ZNF850: variants seen among roughly 807,000 people sequenced by gnomAD.
ZNF850 encodes zinc finger protein 850.
In ZNF850, 2 loss-of-function variants were observed where a neutral mutation model predicts 11.9. The observed-to-expected ratio is 0.17, with a 90% CI of 0.07 to 0.53. The LOEUF (loss-of-function observed/expected upper bound fraction) is 0.53, where lower values mean the gene tolerates loss of function less well. Ranked by LOEUF, ZNF850 falls within the 20% of genes least tolerant of loss-of-function variation. ZNF850 has a pLI of 0.94. For missense variants in ZNF850, 1,014 were observed against 1,316.4 expected (o/e 0.77, Z 3.55); for synonymous variants, 381 against 443.0 (o/e 0.86, Z 1.76).
rs201756373 is a variant in ZNF850, at chr19:36,757,986, CA to C, written c.235+3656del. On this transcript the variant is annotated intron_variant, in intron 4 of 4. Transcript: ENST00000591344. ...ACAGGTGTTAGTCACTGTGCCTGGC[CA>C]AAAAGTGAATTTTTCATTTTAATTT... Among the ~76,000 whole-genome samples, 1,264 of 152,110 alleles carry C rather than the reference CA, an allele frequency of 8.3e-3. 20 individuals are homozygous for C. The highest frequency in any genetic ancestry group is 0.029 in the African/African-American group (1,195 of 41,488).
chr19:36,753,825 T>C (rs1170790885), intron 4 of ZNF850, among the ~76,000 whole-genome samples: 1 of 152,122 alleles, frequency 6.6e-6, no homozygotes, highest in Non-Finnish European at 1.5e-5. Flanking sequence ...AGGTATTAAA[T>C]AGCAGAGCTA....
intron 1 of ZNF850, among the ~76,000 whole-genome samples, chr19:36,766,904 A>G (rs1728760877): frequency 6.6e-6 from 1 of 152,022 alleles, no homozygotes; most frequent in Non-Finnish European, 1.5e-5. Context: ...GGAGTTCGAG[A>G]CTAGCCTGAC....
At chr19:36,765,763 T>C (rs1398047028) in intron 1 of ZNF850, among the ~76,000 whole-genome samples, 1 of 151,978 alleles carries the variant, frequency 6.6e-6, no homozygotes, top group Non-Finnish European at 1.5e-5. Flanking sequence ...TTGGTATTTT[T>C]AGTAGAGATG....
rs554285081 is a variant in ZNF850 at position 36,768,480 on chromosome 19, CAT to C, written c.-70+4243_-70+4244del. Among the ~76,000 whole-genome samples the C allele has an allele frequency of 1.4e-4, 21 of 152,274 alleles. 1 individual carries two copies. In the East Asian group the frequency reaches 4.1e-3, roughly 29 times the overall value. ...GAAAATGCAATTGCTCTCTTTCAAA[CAT>C]AGTTTTAATTAGTTGTACAAAATGC... On this transcript the variant is annotated intron_variant, in intron 1 of 4. Transcript: ENST00000591344.
rs1472530155 is a variant in ZNF850 at position 36,749,925 on chromosome 19, T to A, written c.1115A>T (p.Lys372Ile). ...EKPYDCKECGKSFTFHSALIR... is the reference protein window; with the variant it reads ...EKPYDCKECGISFTFHSALIR... ...TAGAGCTGAGTGAAAAGTAAAAGAT[T>A]TTCCACATTCCTTACAGTCATAGGG... is the stretch of plus-strand genomic sequence containing the variant. The change falls in exon 5 of 5, where the codon AAA becomes ATA. Residue 372 changes from lysine (K) to isoleucine (I), a missense_variant. Lys to Ile is a moderately radical substitution (Grantham distance 102). Coordinates refer to ENST00000591344, the MANE Select transcript of ZNF850 (RefSeq NM_001193552.2). The A allele has an allele frequency of 3.2e-6, 5 of 1,571,532 alleles. No homozygotes were observed. In the East Asian group the frequency reaches 9.4e-5, roughly 29 times the overall value.
At chr19:36,767,865 G>C (rs1370782442) in intron 1 of ZNF850, among the ~76,000 whole-genome samples, 3 of 152,168 alleles carry the variant, frequency 2.0e-5, no homozygotes, top group African/African-American at 7.2e-5. Flanking sequence ...AATAATGATG[G>C]AGCAAAGAAA....
At position 36,748,988 on chromosome 19, in the gene ZNF850, C is replaced by A; in HGVS notation, c.2052G>T (p.Gln684His). 6.2e-7 allele frequency: 1 copy of A among 1,604,530 alleles called. No homozygotes were observed. Among genetic ancestry groups the A allele is most frequent in the Non-Finnish European group, 8.5e-7 (1 of 1,176,470 alleles). The change falls in exon 5 of 5, where the codon CAG becomes CAT. Residue 684 changes from glutamine to histidine, a missense_variant. Coordinates refer to ENST00000591344, the MANE Select transcript of ZNF850 (RefSeq NM_001193552.2). ...ECPDCGKAFR[Q>H]RTYLNQHRRI... The stretch of plus-strand genomic sequence containing the variant: ...TCCGATGTTGATTAAGGTATGTACG[C>A]TGTCTAAAGGCCTTCCCACAGTCCG...
At chr19:36,753,422 C>CAAAAAAAAAAAA (rs58851544) in intron 4 of ZNF850, among the ~76,000 whole-genome samples, 5 of 46,650 alleles carry the variant, frequency 1.1e-4, no homozygotes, top group East Asian at 8.6e-4. Context: ...GACACTGTCT[C>CAAAAAAAAAAAA]AAAAAAAAAA....
intron 1 of ZNF850, 34 bp from the exon 2 acceptor site, chr19:36,762,709 TC>T: frequency 7.9e-7 from 1 of 1,261,414 alleles, no homozygotes; most frequent in Non-Finnish European, 1.1e-6. Flanking sequence ...ATATATTATT[TC>T]CCAAATAAAT....
In ZNF850 at chr19:36,750,041, A is replaced by T. The variant is rs1314400935; in HGVS notation, c.999T>A (p.Gly333=). ...ATTCCTTACAATCATACGGTTTCTC[A>T]CCAGTGTGAATTTGCTGGTGTCGAA... ...TLIRHQQIHT[G]EKPYDCKECG... Residue 333 remains glycine, a synonymous_variant, in exon 5 of 5, where the codon GGT becomes GGA. Transcript: ENST00000591344. The T allele has an allele frequency of 6.5e-7, 1 of 1,541,864 alleles. No individual in the cohort carries two copies.
intron 4 of ZNF850, among the ~76,000 whole-genome samples, chr19:36,754,624 C>T (rs760563428): frequency 6.6e-6 from 1 of 152,004 alleles, no homozygotes; most frequent in African/African-American, 2.4e-5. Context: ...GGCACGATCT[C>T]AGCTCACTGC....
Position 36,748,256 on chromosome 19 carries a change from A to G in ZNF850, c.2784T>C (p.His928=). 1 of 1,554,348 alleles carries G rather than the reference A, an allele frequency of 6.4e-7. No individual in the cohort carries two copies. The highest frequency in any genetic ancestry group is 8.7e-7 in the Non-Finnish European group (1 of 1,153,606). Reference sequence around the variant, plus strand: ...AACGGACAAAGGCTTTTCCACATTCATGACATCGATAAGGTTTCTCACCAG... The same window carrying G: ...AACGGACAAAGGCTTTTCCACATTCGTGACATCGATAAGGTTTCTCACCAG... ...IHTGEKPYRC[H]ECGKAFVRFS... Residue 928 remains histidine, a synonymous_variant, in exon 5 of 5, where the codon CAT becomes CAC. Coordinates refer to ENST00000591344, the MANE Select transcript of ZNF850 (RefSeq NM_001193552.2).
intron 4 of ZNF850, among the ~76,000 whole-genome samples, chr19:36,760,558 A>G (rs1168231534): frequency 6.6e-6 from 1 of 151,856 alleles, no homozygotes; most frequent in Non-Finnish European, 1.5e-5. Flanking sequence ...TTTTAAGTCA[A>G]TAAATTTTGA....
chr19:36,753,417 T>G (rs1246724211), intron 4 of ZNF850, among the ~76,000 whole-genome samples: 1 of 33,208 alleles, frequency 3.0e-5, no homozygotes, highest in African/African-American at 1.1e-4. Context: ...CCTGGGACAC[T>G]GTCTCAAAAA....
chr19:36,749,936 C>G lies in ZNF850; in HGVS notation c.1104G>C (p.Lys368Asn). The G allele has an allele frequency of 6.4e-7, 1 of 1,569,986 alleles. No individual in the cohort carries two copies. Among genetic ancestry groups the G allele is most frequent in the Non-Finnish European group, 8.6e-7 (1 of 1,160,158 alleles). ...IHTGEKPYDC[K>N]ECGKSFTFHS... ...GAAAAGTAAAAGATTTTCCACATTC[C>G]TTACAGTCATAGGGTTTCTCACCAG... Residue 368 changes from lysine (K) to asparagine (N), a missense_variant, in exon 5 of 5, where the codon AAG becomes AAC. Coordinates refer to ENST00000591344, the MANE Select transcript of ZNF850 (RefSeq NM_001193552.2).
intron 4 of ZNF850, among the ~76,000 whole-genome samples, chr19:36,755,237 G>T (rs764778642): frequency 7.9e-5 from 12 of 151,812 alleles, no homozygotes; most frequent in Non-Finnish European, 1.3e-4. Flanking sequence ...ATTCTTTTTC[G>T]GTTTTTTTGA....
chr19:36,765,680 A>G (rs1227816), intron 1 of ZNF850, among the ~76,000 whole-genome samples: 44,573 of 143,842 alleles, frequency 0.31, 7,109 homozygotes, highest in African/African-American at 0.44. Context: ...CTCCTCCTGG[A>G]TTCAAGCGAT....
chr19:36,754,987 C>T (rs375126690), intron 4 of ZNF850, among the ~76,000 whole-genome samples: 14 of 152,236 alleles, frequency 9.2e-5, no homozygotes, highest in East Asian at 3.9e-4. Flanking sequence ...ATTCTACACG[C>T]AGCAATTAAA....
intron 4 of ZNF850, among the ~76,000 whole-genome samples, chr19:36,757,667 C>T (rs981604592): frequency 2.6e-5 from 4 of 151,826 alleles, no homozygotes; most frequent in East Asian, 1.9e-4. Context: ...CCACCACACC[C>T]GGCTAATTTT....
Sources: gnomAD v4.1 joint callset for allele counts (sites outside exome capture counted in the v4.1 genomes callset) on GRCh38, gnomAD v4.1.1 for gene constraint, MANE v1.5 for transcripts, NCBI Gene and HGNC (gene_info 2026-07-23, HGNC 2026-07-21) for gene names.